Variants in WDR49 observed in about 807,000 individuals in gnomAD.
The protein encoded by WDR49 is WD repeat domain 49, also known as cilia- and flagella-associated protein 337.
Under a neutral mutation model 119.5 loss-of-function variants are expected in WDR49, and 107 were observed. That is an observed-to-expected ratio of 0.90 (90% confidence interval 0.77 to 1.05). The LOEUF (loss-of-function observed/expected upper bound fraction) is 1.05. Ranked by LOEUF, WDR49 falls within the 50% of genes least tolerant of loss-of-function variation. The pLI, the probability that WDR49 is intolerant of heterozygous loss-of-function variation, is 0.00. For synonymous variants in WDR49, 425 were observed against 418.8 expected (o/e 1.01, Z -0.18); for missense variants, 1,240 against 1,220.5 (o/e 1.02, Z -0.24).
chr3:167,641,451 A>C (rs912744604), intron 2 of WDR49, among the ~76,000 whole-genome samples: 2 of 151,804 alleles, frequency 1.3e-5, no homozygotes, highest in African/African-American at 2.4e-5. Flanking sequence ...TGGCCCTCTG[A>C]CCTGTTCTCT....
At chr3:167,519,988 C>A (rs1752376294) in intron 16 of WDR49, among the ~76,000 whole-genome samples, 1 of 151,880 alleles carries the variant, frequency 6.6e-6, no homozygotes, top group Non-Finnish European at 1.5e-5. Flanking sequence ...AATCCCAGCA[C>A]TTTGGGAGGG....
rs149289114 is a variant in WDR49, at chr3:167,557,610, G to A, written c.1674+2454C>T. On this transcript the variant is annotated intron_variant, in intron 9 of 18. Transcript: ENST00000682715. Reference sequence around the variant, plus strand: ...CTACTAAAAATACAAAAAATTAGCCGGGCGTGGTGGCAGGCGCCTGTAGTC... The same window carrying A: ...CTACTAAAAATACAAAAAATTAGCCAGGCGTGGTGGCAGGCGCCTGTAGTC... Among the ~76,000 whole-genome samples, 1,313 of 151,936 alleles carry A rather than the reference G, an allele frequency of 8.6e-3. 19 individuals are homozygous for A. Among genetic ancestry groups the A allele is most frequent in the East Asian group, 0.031 (158 of 5,124 alleles).
intron 9 of WDR49, among the ~76,000 whole-genome samples, chr3:167,559,149 T>A (rs1360121085): frequency 6.6e-6 from 1 of 152,142 alleles, no homozygotes; most frequent in Non-Finnish European, 1.5e-5. Flanking sequence ...GCCTGTAATC[T>A]CCCTGAATAC....
In WDR49 at chr3:167,573,440, G is replaced by A. The variant is rs916691776; in HGVS notation, c.1509+2478C>T. 9.5e-3 allele frequency among the ~76,000 whole-genome samples: 1,258 copies of A among 132,458 alleles called. 17 individuals carry two copies. The highest frequency in any genetic ancestry group is 0.039 in the African/African-American group (1,156 of 29,274). 86.9% of individuals were successfully genotyped at this position (132,458 alleles called of 152,430 possible). A position where few individuals can be genotyped will look rare whatever the true frequency, so the allele number is the denominator to read the frequency against. ...CACACACACACACACAACACAAATAGATAGATCTGTATTTTTATACTTATT... is the reference window on the plus strand; with the variant it reads ...CACACACACACACACAACACAAATAAATAGATCTGTATTTTTATACTTATT... On this transcript the variant is annotated intron_variant, in intron 8 of 18. Transcript: ENST00000682715.
At chr3:167,492,651 C>T (rs1751189076) in intron 18 of WDR49, among the ~76,000 whole-genome samples, 1 of 151,950 alleles carries the variant, frequency 6.6e-6, no homozygotes, top group Admixed American at 6.6e-5. Context: ...TAAGATGAAG[C>T]CTATTTTCAG....
At chr3:167,484,360 G>A (rs1317139657) in intron 18 of WDR49, among the ~76,000 whole-genome samples, 1 of 152,038 alleles carries the variant, frequency 6.6e-6, no homozygotes, top group African/African-American at 2.4e-5. Flanking sequence ...ATGAGTTAAT[G>A]GGTGCAGCAC....
intron 18 of WDR49, among the ~76,000 whole-genome samples, chr3:167,493,022 T>C (rs1393422393): frequency 2.6e-5 from 4 of 152,106 alleles, no homozygotes; most frequent in Non-Finnish European, 4.4e-5. Context: ...AAGCCTACAA[T>C]ATGTCTCCTT....
chr3:167,632,563 A>T (rs924070740), intron 2 of WDR49, among the ~76,000 whole-genome samples: 3 of 152,054 alleles, frequency 2.0e-5, no homozygotes, highest in African/African-American at 7.2e-5. Context: ...GTTTGTTTTT[A>T]CTAAAAAATC....
intron 9 of WDR49, among the ~76,000 whole-genome samples, chr3:167,557,394 G>T (rs952625479): frequency 6.6e-6 from 1 of 152,102 alleles, no homozygotes; most frequent in African/African-American, 2.4e-5. Context: ...AAAAGCAAAA[G>T]ATTTGAATCA....
rs77151257 is a variant in WDR49, at chr3:167,622,753, G to A, written c.607-1110C>T. ...TGTCTAAAGAACACTCCAGTCCAAC[G>A]TCAGCAGGATGCACTTCTTCTCAAG... On this transcript the variant is annotated intron_variant, in intron 3 of 18. Coordinates refer to ENST00000682715, the MANE Select transcript of WDR49 (RefSeq NM_001366157.1). Among the ~76,000 whole-genome samples the A allele has an allele frequency of 8.3e-3, 1,259 of 151,984 alleles. 91 individuals carry two copies. The East Asian group carries it at 0.17, about 21-fold the overall frequency.
chr3:167,650,091 C>T (rs1349038465), intron 2 of WDR49, among the ~76,000 whole-genome samples: 1 of 152,124 alleles, frequency 6.6e-6, no homozygotes, highest in Non-Finnish European at 1.5e-5. Flanking sequence ...AAGAAACACT[C>T]AGAACCTACA....
At chr3:167,553,393 C>T (rs1712695934) in intron 10 of WDR49, among the ~76,000 whole-genome samples, 1 of 151,900 alleles carries the variant, frequency 6.6e-6, no homozygotes, top group African/African-American at 2.4e-5. Flanking sequence ...TCCTTTAAAC[C>T]ACTTTTAGGT....
intron 6 of WDR49, among the ~76,000 whole-genome samples, chr3:167,602,763 A>C (rs1179818925): frequency 6.6e-6 from 1 of 152,196 alleles, no homozygotes; most frequent in Non-Finnish European, 1.5e-5. Flanking sequence ...TGCATTTCAT[A>C]ACATTTCAGC....
chr3:167,609,058 A>G (rs1716202824), intron 5 of WDR49, among the ~76,000 whole-genome samples: 1 of 152,170 alleles, frequency 6.6e-6, no homozygotes, highest in South Asian at 2.1e-4. Flanking sequence ...TAAGTAAGTA[A>G]TGCTATTAAG....
chr3:167,610,634 A>G (rs1305958784), intron 5 of WDR49, among the ~76,000 whole-genome samples: 1 of 152,254 alleles, frequency 6.6e-6, no homozygotes, highest in Non-Finnish European at 1.5e-5. Context: ...AGGCAAAGAC[A>G]CAGGCCTGGC....
At chr3:167,593,197 T>A (rs1316012161) in intron 7 of WDR49, among the ~76,000 whole-genome samples, 1 of 152,104 alleles carries the variant, frequency 6.6e-6, no homozygotes, top group Non-Finnish European at 1.5e-5. Flanking sequence ...CTTTCTACCT[T>A]GTTTCTCTCT....
intron 18 of WDR49, among the ~76,000 whole-genome samples, chr3:167,492,418 G>C (rs934583158): frequency 3.9e-5 from 6 of 152,020 alleles, no homozygotes; most frequent in Non-Finnish European, 1.5e-5. Context: ...TACTATCTAT[G>C]TGAACTTAGG....
intron 16 of WDR49, among the ~76,000 whole-genome samples, chr3:167,516,774 C>T (rs1433005830): frequency 6.6e-6 from 1 of 152,076 alleles, no homozygotes; most frequent in Non-Finnish European, 1.5e-5. Flanking sequence ...TCAGAGTGAA[C>T]AGGCAACCTA....
At chr3:167,537,429 A>G (rs896523521) in intron 10 of WDR49, among the ~76,000 whole-genome samples, 1 of 151,982 alleles carries the variant, frequency 6.6e-6, no homozygotes, top group South Asian at 2.1e-4. Context: ...TTTTTCATCA[A>G]TTTTCTCAGG....
Sources: allele counts gnomAD v4.1 joint callset (sites outside exome capture counted in the v4.1 genomes callset), GRCh38; gene constraint gnomAD v4.1.1; transcripts MANE v1.5; gene names NCBI Gene and HGNC (gene_info 2026-07-23, HGNC 2026-07-21).